Variants in KCTD16 observed in about 807,000 individuals in gnomAD.
The protein encoded by KCTD16 is BTB/POZ domain-containing protein KCTD16.
Under a neutral mutation model 33.2 loss-of-function variants are expected in KCTD16, and 13 were observed. The ratio of observed to expected loss-of-function variants is 0.39; its 90% CI spans 0.25 to 0.62. The LOEUF is 0.62. Ranked by LOEUF, KCTD16 falls within the 20% of genes least tolerant of loss-of-function variation. KCTD16 has a pLI of 0.50. For missense variants in KCTD16, 441 were observed against 525.1 expected, an observed-to-expected ratio of 0.84 and a Z score of 1.57; for synonymous variants, 197 against 195.3, an observed-to-expected ratio of 1.01 and a Z score of -0.07.
chr5:144,285,754 T>A (rs571742236), intron 3 of KCTD16, among the ~76,000 whole-genome samples: 1 of 152,312 alleles, frequency 6.6e-6, no homozygotes, highest in African/African-American at 2.4e-5. Context: ...CGTAGAGCTA[T>A]AATCTCGAAT....
intron 3 of KCTD16, among the ~76,000 whole-genome samples, chr5:144,360,050 C>T (rs747875103): frequency 1.3e-5 from 2 of 152,124 alleles, no homozygotes; most frequent in Non-Finnish European, 2.9e-5. Context: ...ACCTAGTTAG[C>T]ATTACTGTGT....
At chr5:144,290,106 C>G (rs945674845) in intron 3 of KCTD16, among the ~76,000 whole-genome samples, 1 of 152,058 alleles carries the variant, frequency 6.6e-6, no homozygotes, top group Non-Finnish European at 1.5e-5. Context: ...CATGGTGAAA[C>G]CTTGTCTCTA....
At chr5:144,334,688 T>C (rs7711372) in intron 3 of KCTD16, among the ~76,000 whole-genome samples, 12,605 of 152,258 alleles carry the variant, frequency 0.083, 1,264 homozygotes, top group African/African-American at 0.23. Flanking sequence ...AAAGGTCAGC[T>C]AACTTACCGA....
rs182502161 is a variant in KCTD16, at chr5:144,220,863, C to T, written c.832+13317C>T. 1.5e-3 allele frequency among the ~76,000 whole-genome samples: 230 copies of T among 151,484 alleles called. 6 individuals carry two copies. The highest frequency in any genetic ancestry group is 5.4e-4 in the Non-Finnish European group (37 of 67,964). On this transcript the variant is annotated intron_variant, in intron 3 of 3. Transcript: ENST00000512467. ...GGCTGAGGCAGGAGAATGGCATGAA[C>T]GCAGGAGACGGAGGTTGCAGTGAGC...
intron 3 of KCTD16, among the ~76,000 whole-genome samples, chr5:144,404,791 T>G (rs1437463287): frequency 6.6e-6 from 1 of 152,116 alleles, no homozygotes. Flanking sequence ...AAATAAATGT[T>G]AAGGTGCCTT....
At chr5:144,227,423 G>T (rs1753967370) in intron 3 of KCTD16, among the ~76,000 whole-genome samples, 1 of 152,150 alleles carries the variant, frequency 6.6e-6, no homozygotes, top group African/African-American at 2.4e-5. Context: ...GGAAGAGGCT[G>T]GGAGAAAATG....
chr5:144,393,956 C>A (rs1006162789), intron 3 of KCTD16, among the ~76,000 whole-genome samples: 1 of 133,656 alleles, frequency 7.5e-6, no homozygotes, highest in African/African-American at 2.9e-5. Flanking sequence ...TTTTTTCTTT[C>A]TTTTTTCTTT....
chr5:144,447,671 A>G (rs1387127709), intron 3 of KCTD16, among the ~76,000 whole-genome samples: 1 of 152,176 alleles, frequency 6.6e-6, no homozygotes, highest in Non-Finnish European at 1.5e-5. Context: ...GATATTCACT[A>G]TTTGTTAAAA....
chr5:144,238,591 T>C (rs1224358058), intron 3 of KCTD16, among the ~76,000 whole-genome samples: 2 of 152,158 alleles, frequency 1.3e-5, no homozygotes, highest in Non-Finnish European at 2.9e-5. Context: ...TATCTTATCA[T>C]ATGCCTCCAT....
At chr5:144,449,315 G>A (rs1753889283) in intron 3 of KCTD16, among the ~76,000 whole-genome samples, 1 of 151,906 alleles carries the variant, frequency 6.6e-6, no homozygotes, top group African/African-American at 2.4e-5. Flanking sequence ...TTGTTAGAAT[G>A]TGCATACTAT....
At position 144,482,764 on chromosome 5, in the gene KCTD16, CAT is replaced by C. The variant is rs1386465355; in HGVS notation, c.*8653_*8654del. On this transcript the variant is annotated 3_prime_UTR_variant, in exon 4 of 4. Coordinates refer to ENST00000512467, the MANE Select transcript of KCTD16 (RefSeq NM_020768.4). Reference sequence around the variant, plus strand: ...GTATAAAATTATGTATATATATGTACATATGTGTGTACATCTATCTTAATGTG... The same window carrying C: ...GTATAAAATTATGTATATATATGTACATGTGTGTACATCTATCTTAATGTG... 6.6e-6 allele frequency: 1 copy of C among 151,572 alleles called. No individual in the cohort carries two copies. Among genetic ancestry groups the C allele is most frequent in the Non-Finnish European group, 1.5e-5 (1 of 67,840 alleles). The allele number at this position is 151,572 out of a possible 1,614,324, so 9.4% of individuals were successfully genotyped here.
chr5:144,317,158 C>T (rs981465940), intron 3 of KCTD16, among the ~76,000 whole-genome samples: 2 of 151,898 alleles, frequency 1.3e-5, no homozygotes, highest in Non-Finnish European at 2.9e-5. Context: ...AATTCATATA[C>T]CTGATTAATT....
intron 3 of KCTD16, among the ~76,000 whole-genome samples, chr5:144,260,269 A>G (rs1754969773): frequency 6.6e-6 from 1 of 152,200 alleles, no homozygotes; most frequent in Non-Finnish European, 1.5e-5. Flanking sequence ...GCACTCAAGA[A>G]TGAGCTGTCG....
intron 3 of KCTD16, among the ~76,000 whole-genome samples, chr5:144,353,753 A>G (rs776471206): frequency 3.3e-5 from 5 of 152,302 alleles, no homozygotes; most frequent in South Asian, 2.1e-4. Context: ...ATACTGAGTG[A>G]CATGCAAATA....
chr5:144,472,708 A>G (rs754894875), intron 3 of KCTD16, among the ~76,000 whole-genome samples: 4 of 152,212 alleles, frequency 2.6e-5, no homozygotes, highest in Non-Finnish European at 4.4e-5. Flanking sequence ...CTCATGGCCT[A>G]GTAGCTAATA....
At chr5:144,181,223 G>GCGC (rs1752617904) in intron 2 of KCTD16, among the ~76,000 whole-genome samples, 1 of 151,850 alleles carries the variant, frequency 6.6e-6, no homozygotes, top group African/African-American at 2.4e-5. Context: ...GTGAGCCACC[G>GCGC]TGCCCAGCCT....
At chr5:144,409,472 G>T (rs1428735485) in intron 3 of KCTD16, among the ~76,000 whole-genome samples, 1 of 152,006 alleles carries the variant, frequency 6.6e-6, no homozygotes, top group African/African-American at 2.4e-5. Context: ...ATGAGAAATA[G>T]GCACAATATT....
rs1045102497 is a variant in KCTD16, at chr5:144,474,282, T to C, written c.*168T>C. On this transcript the variant is annotated 3_prime_UTR_variant, in exon 4 of 4. Coordinates refer to ENST00000512467, the MANE Select transcript of KCTD16 (RefSeq NM_020768.4). ...ACTTTACCTAGTTCACCTTAACATGTAAATCCACAGGGTAGATTTCTTTCT... is the reference window on the plus strand; with the variant it reads ...ACTTTACCTAGTTCACCTTAACATGCAAATCCACAGGGTAGATTTCTTTCT... The C allele has an allele frequency of 2.7e-5, 16 of 592,508 alleles. No homozygotes were observed. Among genetic ancestry groups the C allele is most frequent in the African/African-American group, 1.7e-4 (9 of 53,648 alleles). The allele number at this position is 592,508 out of a possible 1,614,324, so 36.7% of individuals were successfully genotyped here.
intron 3 of KCTD16, among the ~76,000 whole-genome samples, chr5:144,267,892 GA>G (rs1258049036): frequency 1.3e-5 from 2 of 152,104 alleles, no homozygotes; most frequent in African/African-American, 4.8e-5. Flanking sequence ...CCAACAAAAG[GA>G]GGTATTAGTT....
Sources: gnomAD v4.1 joint callset for allele counts (sites outside exome capture counted in the v4.1 genomes callset) on GRCh38, gnomAD v4.1.1 for gene constraint, MANE v1.5 for transcripts, NCBI Gene and HGNC (gene_info 2026-07-23, HGNC 2026-07-21) for gene names.